Variants in NCALD observed in about 807,000 individuals in gnomAD.
The protein encoded by NCALD is neurocalcin-delta.
A neutral mutation model predicts 18.6 loss-of-function variants in NCALD; 10 were observed. The observed-to-expected ratio is 0.54, with a 90% CI of 0.33 to 0.91. The LOEUF (loss-of-function observed/expected upper bound fraction) is 0.91, where lower values mean the gene tolerates loss of function less well. NCALD is among the 40% of genes least tolerant of loss of function. NCALD has a pLI of 0.03. For missense variants in NCALD, 184 were observed against 247.6 expected, an observed-to-expected ratio of 0.74 and a Z score of 1.72; for synonymous variants, 88 against 87.4, an observed-to-expected ratio of 1.01 and a Z score of -0.04.
chr8:101,715,828 G>A (rs1237947601), intron 2 of NCALD, among the ~76,000 whole-genome samples: 2 of 152,192 alleles, frequency 1.3e-5, no homozygotes, highest in Non-Finnish European at 2.9e-5. Context: ...ACAGATTCTG[G>A]AGAGGATGTG....
chr8:101,778,448 A>T (rs186578570), intron 1 of NCALD, among the ~76,000 whole-genome samples: 2 of 152,288 alleles, frequency 1.3e-5, no homozygotes, highest in East Asian at 1.9e-4. Flanking sequence ...TACTAAAGGA[A>T]ATGGAGTTGG....
chr8:102,063,902 C>G (rs1472905656), intron 1 of NCALD, among the ~76,000 whole-genome samples: 4 of 152,104 alleles, frequency 2.6e-5, no homozygotes, highest in Admixed American at 2.6e-4. Flanking sequence ...AAAGACTATC[C>G]CTAATTTCCC....
intron 2 of NCALD, among the ~76,000 whole-genome samples, chr8:101,976,835 C>T (rs1027686092): frequency 6.6e-6 from 1 of 152,082 alleles, no homozygotes; most frequent in African/African-American, 2.4e-5. Context: ...AAATGAATCA[C>T]AAAGTTTATT....
intron 1 of NCALD, among the ~76,000 whole-genome samples, chr8:102,101,872 T>C (rs531384926): frequency 2.0e-5 from 3 of 152,336 alleles, no homozygotes; most frequent in Admixed American, 6.5e-5. Context: ...GCCTGAATTT[T>C]AAAACAAAAT....
At chr8:101,932,372 TC>T (rs1241871979) in intron 2 of NCALD, among the ~76,000 whole-genome samples, 5 of 151,986 alleles carry the variant, frequency 3.3e-5, no homozygotes, top group African/African-American at 1.2e-4. Flanking sequence ...AATAATCACA[TC>T]CCCATTCGCC....
chr8:101,943,679 G>A (rs752933038), intron 2 of NCALD, among the ~76,000 whole-genome samples: 3 of 151,446 alleles, frequency 2.0e-5, no homozygotes, highest in South Asian at 2.1e-4. Context: ...CGTAGCTCAC[G>A]CCTGTAATCC....
chr8:101,912,151 A>G (rs2131609681), intron 3 of NCALD, among the ~76,000 whole-genome samples: 1 of 152,308 alleles, frequency 6.6e-6, no homozygotes, highest in East Asian at 1.9e-4. Flanking sequence ...TATTGAATAC[A>G]TTTAAAATAT....
intron 1 of NCALD, among the ~76,000 whole-genome samples, chr8:101,757,704 A>G (rs1810946804): frequency 6.6e-6 from 1 of 152,056 alleles, no homozygotes; most frequent in Admixed American, 6.6e-5. Context: ...AATTTATTAT[A>G]GTGTTTCCCC....
intron 1 of NCALD, among the ~76,000 whole-genome samples, chr8:102,081,533 T>C (rs1824524643): frequency 1.1e-5 from 1 of 91,670 alleles, no homozygotes; most frequent in African/African-American, 4.2e-5. Context: ...TCAAGGAGAA[T>C]TCAAATAATG....
chr8:101,900,867 T>C (rs1043331825), intron 3 of NCALD, among the ~76,000 whole-genome samples: 1 of 152,076 alleles, frequency 6.6e-6, no homozygotes, highest in African/African-American at 2.4e-5. Flanking sequence ...AATGTTATGG[T>C]CTTCTCTATG....
chr8:101,851,389 A>C (rs1395485020), intron 4 of NCALD, among the ~76,000 whole-genome samples: 1 of 152,114 alleles, frequency 6.6e-6, no homozygotes, highest in Non-Finnish European at 1.5e-5. Flanking sequence ...AAAAAAAAAA[A>C]TACAAATAGT....
chr8:101,714,342 C>A (rs1274246438), intron 2 of NCALD, among the ~76,000 whole-genome samples: 1 of 152,142 alleles, frequency 6.6e-6, no homozygotes, highest in Non-Finnish European at 1.5e-5. Context: ...TTCCTATACA[C>A]CAATAATACA....
intron 1 of NCALD, among the ~76,000 whole-genome samples, chr8:101,751,863 C>A (rs542519487): frequency 1.8e-4 from 27 of 152,300 alleles, no homozygotes; most frequent in Admixed American, 5.9e-4. Flanking sequence ...CAGATGATAA[C>A]CACATAATCC....
chr8:102,047,935 G>A (rs1374333190), intron 1 of NCALD, among the ~76,000 whole-genome samples: 2 of 152,096 alleles, frequency 1.3e-5, no homozygotes, highest in Non-Finnish European at 2.9e-5. Flanking sequence ...ATTCTTACCA[G>A]CTTTTGAGAG....
At chr8:102,001,207 G>T (rs1249568970) in intron 2 of NCALD, among the ~76,000 whole-genome samples, 1 of 152,222 alleles carries the variant, frequency 6.6e-6, no homozygotes. Flanking sequence ...GAAAACCATG[G>T]CACGAGAACT....
At chr8:101,705,844 C>A (rs1815493753) in intron 2 of NCALD, among the ~76,000 whole-genome samples, 1 of 152,190 alleles carries the variant, frequency 6.6e-6, no homozygotes, top group African/African-American at 2.4e-5. Flanking sequence ...GCTGATGCTG[C>A]ATGGAACAGA....
chr8:102,120,507 C>T (rs1398402271), intron 1 of NCALD, among the ~76,000 whole-genome samples: 2 of 152,128 alleles, frequency 1.3e-5, no homozygotes, highest in African/African-American at 2.4e-5. Flanking sequence ...CATCCTACAA[C>T]GAGATGGGGC....
At position 102,001,598 on chromosome 8, in the gene NCALD, T is replaced by A. The variant is rs184387903; in HGVS notation, c.-157+18639A>T. Among the ~76,000 whole-genome samples, 1,463 of 151,732 alleles carry A rather than the reference T, an allele frequency of 9.6e-3. 24 individuals are homozygous for A. Among genetic ancestry groups the A allele is most frequent in the African/African-American group, 0.03 (1,234 of 41,302 alleles). Reference sequence around the variant, plus strand: ...GTCAGATTCACCAAAGTTGAAATGATGGAAAAAATGTTAAGGGCAGCCAGA... The same window carrying A: ...GTCAGATTCACCAAAGTTGAAATGAAGGAAAAAATGTTAAGGGCAGCCAGA... On this transcript the variant is annotated intron_variant, in intron 2 of 6. Coordinates refer to the NCALD transcript ENST00000311028.
At chr8:101,899,619 T>C (rs1362849195) in intron 3 of NCALD, among the ~76,000 whole-genome samples, 1 of 151,974 alleles carries the variant, frequency 6.6e-6, no homozygotes, top group Non-Finnish European at 1.5e-5. Context: ...CAAATGGGTT[T>C]CTGTACATCA....
Sources: allele counts gnomAD v4.1 joint callset (sites outside exome capture counted in the v4.1 genomes callset), GRCh38; gene constraint gnomAD v4.1.1; transcripts MANE v1.5; gene names NCBI Gene and HGNC (gene_info 2026-07-23, HGNC 2026-07-21).